The following SCIN variants were observed in gnomAD, a reference collection of about 807,000 sequenced individuals.
The protein encoded by SCIN is adseverin.
A neutral mutation model predicts 91.8 loss-of-function variants in SCIN; 91 were observed. The observed-to-expected ratio is 0.99, with a 90% confidence interval of 0.84 to 1.18. SCIN has a LOEUF of 1.18. Ranked by LOEUF, SCIN falls within the 50% of genes most tolerant of loss-of-function variation. The probability of loss-of-function intolerance (pLI) is 0.00; values close to 1 mark genes in which losing one functional copy is unlikely to be tolerated. For synonymous variants in SCIN, 367 were observed against 312.6 expected (o/e 1.17, Z -1.84); for missense variants, 1,087 against 863.9 (o/e 1.26, Z -3.24).
At chr7:12,615,736 G>A (rs849797) in intron 4 of SCIN, among the ~76,000 whole-genome samples, 2,813 of 151,988 alleles carry the variant, frequency 0.019, 46 homozygotes, top group Non-Finnish European at 0.031. Flanking sequence ...TTTTCTTAAT[G>A]TATAGCATAG....
Position 12,644,725 on chromosome 7 carries a change from G to A in SCIN, c.1881+20G>A, listed in dbSNP as rs759195163. The A allele has an allele frequency of 6.5e-7, 1 of 1,549,530 alleles. No homozygotes were observed. Reference sequence around the variant, plus strand: ...TTTGTTGTAAGTGTCCTTAAAAATAGTGCGATAGGGCTGGTTGCGGTGGCT... The same window carrying A: ...TTTGTTGTAAGTGTCCTTAAAAATAATGCGATAGGGCTGGTTGCGGTGGCT... On this transcript the variant is annotated intron_variant, in intron 13 of 15. Transcript: ENST00000297029.
At position 12,590,800 on chromosome 7, in the gene SCIN, G is replaced by A. The variant is rs186866244; in HGVS notation, c.516+9579G>A. 4.2e-4 allele frequency among the ~76,000 whole-genome samples: 64 copies of A among 152,240 alleles called. 1 individual carries two copies. Among genetic ancestry groups the A allele is most frequent in the African/African-American group, 1.5e-3 (63 of 41,542 alleles). ...GTGGCCTGAAGGAGTTAGTAAATAA[G>A]GTGGCCATTAGTGATAGGGGTTCCT... On this transcript the variant is annotated intron_variant, in intron 3 of 15. Coordinates refer to ENST00000297029, the MANE Select transcript of SCIN (RefSeq NM_001112706.3).
chr7:12,608,667 C>A (rs192213991), intron 4 of SCIN, among the ~76,000 whole-genome samples: 2 of 151,942 alleles, frequency 1.3e-5, no homozygotes, highest in Non-Finnish European at 2.9e-5. Context: ...TTAGTAGAGA[C>A]GGGGTTTCAC....
chr7:12,613,562 G>T (rs1662704036), intron 4 of SCIN, among the ~76,000 whole-genome samples: 1 of 152,032 alleles, frequency 6.6e-6, no homozygotes, highest in South Asian at 2.1e-4. Flanking sequence ...TCCTAAAATG[G>T]TGGCCACCTG....
chr7:12,640,498 C>G lies in SCIN; in HGVS notation c.1562C>G (p.Ser521Cys). The G allele has an allele frequency of 6.2e-7, 1 of 1,611,354 alleles. No homozygotes were observed. Among genetic ancestry groups the G allele is most frequent in the Non-Finnish European group, 8.5e-7 (1 of 1,178,790 alleles). The change falls in exon 11 of 16, where the codon TCT (serine) becomes TGT (cysteine). Residue 521 changes from serine (S) to cysteine (C), a missense_variant. Ser to Cys is a moderately radical substitution (Grantham distance 112). Transcript: ENST00000297029. ...RLFQVRRNLA[S>C]ITRIVEVDVD... ...TTTCAAGTCCGGAGAAACCTGGCAT[C>G]TATCACCAGAATTGTGGAGGTAATG...
rs1562609626 is a variant in SCIN at position 12,604,531 on chromosome 7, TG to T, written c.536del (p.Gly179ValfsTer10). 1.9e-6 allele frequency: 3 copies of T among 1,551,712 alleles called. No homozygotes were observed. Among genetic ancestry groups the T allele is most frequent in the Admixed American group, 2.0e-5 (1 of 50,986 alleles). On this transcript the variant is annotated frameshift_variant, in exon 4 of 16. Coordinates refer to ENST00000297029, the MANE Select transcript of SCIN (RefSeq NM_001112706.3). LOFTEE classifies it high-confidence loss of function. ...DLGTEIYQWC[G>X]SSCNKYERLK... is the part of the protein sequence containing the mutation. The stretch of plus-strand genomic sequence containing the variant: ...TCTTTTAGGAAATTTATCAGTGGTG[TG>T]GTTCCTCGTGCAACAAATATGAACG...
intron 4 of SCIN, among the ~76,000 whole-genome samples, chr7:12,617,082 G>A (rs557748540): frequency 6.6e-6 from 1 of 152,232 alleles, no homozygotes; most frequent in Non-Finnish European, 1.5e-5. Flanking sequence ...GAGGAGGTGT[G>A]TGGCAAGAAG....
At chr7:12,590,426 T>TG (rs543921482) in intron 3 of SCIN, among the ~76,000 whole-genome samples, 3 of 151,274 alleles carry the variant, frequency 2.0e-5, no homozygotes, top group South Asian at 4.2e-4. Flanking sequence ...GGTGAATAGA[T>TG]GGGGGGAGGA....
rs1309293498 is a variant in SCIN at position 12,570,841 on chromosome 7, C to T, written c.55C>T (p.Leu19=). 10 of 1,551,496 alleles carry T rather than the reference C, an allele frequency of 6.4e-6. No homozygotes were observed. In the Admixed American group the frequency reaches 2.0e-4, roughly 30 times the overall value. The change falls in exon 1 of 16, where the codon CTG becomes TTG. Residue 19 remains leucine (L), a synonymous_variant. Coordinates refer to ENST00000297029, the MANE Select transcript of SCIN (RefSeq NM_001112706.3). ...CGCCCGGGCGGGCAAGCAGGCGGGG[C>T]TGCAGGTCTGGAGGATTGAGAAGCT... is the stretch of plus-strand genomic sequence containing the variant. ...EFARAGKQAG[L]QVWRIEKLEL...
chr7:12,636,047 A>G lies in SCIN; in HGVS notation c.1322A>G (p.Gln441Arg). The G allele has an allele frequency of 1.2e-6, 2 of 1,611,716 alleles. No homozygotes were observed. Among genetic ancestry groups the G allele is most frequent in the Non-Finnish European group, 8.5e-7 (1 of 1,178,914 alleles). ...TCGTTTCACTTTCATTCCTCTAGGCAAGGAGCAAATGCCACACGAGATGAG... is the reference window on the plus strand; with the variant it reads ...TCGTTTCACTTTCATTCCTCTAGGCGAGGAGCAAATGCCACACGAGATGAG... ...YPRGQIIYTWQGANATRDELT... is the reference protein window; with the variant it reads ...YPRGQIIYTWRGANATRDELT... Residue 441 changes from glutamine (Q) to arginine (R), a missense_variant and splice_region_variant, in exon 10 of 16, where the codon CAA (glutamine) becomes CGA (arginine). Physicochemically the swap from Gln to Arg is conservative, Grantham distance 43. Coordinates refer to ENST00000297029, the MANE Select transcript of SCIN (RefSeq NM_001112706.3).
chr7:12,649,727 A>G (rs1311298662), intron 14 of SCIN, among the ~76,000 whole-genome samples, 183 bp downstream of exon 14: 1 of 152,232 alleles, frequency 6.6e-6, no homozygotes, highest in Non-Finnish European at 1.5e-5. Flanking sequence ...ATTTCTTAGT[A>G]TGAAAATAAT....
intron 3 of SCIN, among the ~76,000 whole-genome samples, chr7:12,595,146 A>G (rs1033923197): frequency 6.6e-6 from 1 of 152,086 alleles, no homozygotes; most frequent in Non-Finnish European, 1.5e-5. Context: ...AGAGAGACCC[A>G]AGGTCAGGCG....
At chr7:12,604,896 A>G (rs1003983632) in intron 4 of SCIN, among the ~76,000 whole-genome samples, 1 of 152,170 alleles carries the variant, frequency 6.6e-6, no homozygotes, top group African/African-American at 2.4e-5. Context: ...TGTCACTATC[A>G]AAGGAGCCCT....
chr7:12,638,746 C>T (rs2115291077), intron 10 of SCIN, among the ~76,000 whole-genome samples: 1 of 152,242 alleles, frequency 6.6e-6, no homozygotes, highest in Non-Finnish European at 1.5e-5. Context: ...ATACAAAAAT[C>T]AAGTTAAATC....
intron 3 of SCIN, among the ~76,000 whole-genome samples, chr7:12,592,683 T>C (rs1342510750): frequency 6.6e-6 from 1 of 151,838 alleles, no homozygotes; most frequent in African/African-American, 2.4e-5. Flanking sequence ...GGTGGGGCAA[T>C]GAGGCATGAT....
chr7:12,606,868 A>G (rs1006879773), intron 4 of SCIN, among the ~76,000 whole-genome samples: 2 of 152,264 alleles, frequency 1.3e-5, no homozygotes, highest in East Asian at 1.9e-4. Flanking sequence ...TAACATAGCT[A>G]ATAAATCAGA....
rs1350395173 is a variant in SCIN at position 12,658,050 on chromosome 7, G to C, written c.*5335G>C. On this transcript the variant is annotated 3_prime_UTR_variant, in exon 16 of 16. Transcript: ENST00000297029. ...TCATAAATTGTTTTCCATTATTTCT[G>C]TGCTGATTGCAAACAATACTGAATT... is the stretch of plus-strand genomic sequence containing the variant. The C allele has an allele frequency of 1.3e-5, 2 of 152,048 alleles. No homozygotes were observed. Among genetic ancestry groups the C allele is most frequent in the Non-Finnish European group, 2.9e-5 (2 of 68,014 alleles). 9.4% of individuals were successfully genotyped at this position (152,048 alleles called of 1,614,324 possible). A position where few individuals can be genotyped will look rare whatever the true frequency, so the allele number is the denominator to read the frequency against.
intron 10 of SCIN, among the ~76,000 whole-genome samples, chr7:12,639,746 G>C (rs906556250): frequency 6.6e-6 from 1 of 151,926 alleles, no homozygotes; most frequent in Admixed American, 6.6e-5. Flanking sequence ...AAGTTAAAAA[G>C]TAGAAAACAT....
intron 3 of SCIN, among the ~76,000 whole-genome samples, chr7:12,602,677 C>A (rs556284182): frequency 6.6e-6 from 1 of 152,184 alleles, no homozygotes; most frequent in Non-Finnish European, 1.5e-5. Context: ...CCTACTTGCA[C>A]GTCCATTTAT....
Sources: gnomAD v4.1 joint callset for allele counts (sites outside exome capture counted in the v4.1 genomes callset) on GRCh38, gnomAD v4.1.1 for gene constraint, MANE v1.5 for transcripts, NCBI Gene and HGNC (gene_info 2026-07-23, HGNC 2026-07-21) for gene names.